Variants in AFF3 observed in about 807,000 individuals in gnomAD.
AFF3 encodes ALF transcription elongation factor 3, also known as AF4/FMR2 family member 3.
Under a neutral mutation model 129.7 loss-of-function variants are expected in AFF3, and 32 were observed. The observed-to-expected ratio is 0.25, with a 90% CI of 0.19 to 0.33. AFF3 has a LOEUF of 0.33. AFF3 is among the 10% of genes least tolerant of loss of function. AFF3 has a pLI of 1.00. For synonymous variants in AFF3, 644 were observed against 635.4 expected (o/e 1.01, Z -0.20); for missense variants, 1,373 against 1,592.0 (o/e 0.86, Z 2.34).
chr2:99,733,811 A>T (rs1274991341), intron 10 of AFF3, among the ~76,000 whole-genome samples: 1 of 152,152 alleles, frequency 6.6e-6, no homozygotes, highest in Non-Finnish European at 1.5e-5. Flanking sequence ...CAATTTGTCT[A>T]TTACTGCCCT....
intron 12 of AFF3, among the ~76,000 whole-genome samples, chr2:99,657,331 T>C (rs761397667): frequency 2.6e-5 from 4 of 152,182 alleles, no homozygotes; most frequent in Non-Finnish European, 5.9e-5. Context: ...TTTGTAAAAG[T>C]TCTCAAGCTC....
chr2:99,555,826 T>C (rs1172577742), intron 22 of AFF3, among the ~76,000 whole-genome samples: 1 of 152,166 alleles, frequency 6.6e-6, no homozygotes, highest in Admixed American at 6.5e-5. Context: ...AAATGGCCTG[T>C]CAGAACTCTG....
chr2:99,745,327 T>C (rs1487706171), intron 9 of AFF3, among the ~76,000 whole-genome samples: 3 of 152,218 alleles, frequency 2.0e-5, no homozygotes, highest in African/African-American at 7.2e-5. Flanking sequence ...AATTGTCTTT[T>C]CATTTTATCA....
rs148750281 is a variant in AFF3, at chr2:100,069,701, T to C, written c.53+34701A>G. 7.9e-5 allele frequency among the ~76,000 whole-genome samples: 12 copies of C among 152,294 alleles called. 1 individual carries two copies. The highest frequency in any genetic ancestry group is 2.6e-4 in the African/African-American group (11 of 41,580). ...AACACAAAATCAGAAAGAAATTTGA[T>C]ACGATATAACTTGAATCAGTTTAAT... On this transcript the variant is annotated intron_variant, in intron 4 of 24. Transcript: ENST00000672756.
chr2:99,672,960 A>G (rs1291508319), intron 11 of AFF3, among the ~76,000 whole-genome samples: 1 of 152,198 alleles, frequency 6.6e-6, no homozygotes, highest in Non-Finnish European at 1.5e-5. Flanking sequence ...GGTGACGAAT[A>G]TCCTAGTTAC....
chr2:99,827,932 G>A (rs1394220793), intron 8 of AFF3, among the ~76,000 whole-genome samples: 2 of 152,012 alleles, frequency 1.3e-5, no homozygotes, highest in African/African-American at 4.8e-5. Flanking sequence ...CCATCTCTCT[G>A]GGGACAGAGA....
At chr2:100,084,728 T>C (rs903102235) in intron 4 of AFF3, among the ~76,000 whole-genome samples, 5 of 152,152 alleles carry the variant, frequency 3.3e-5, no homozygotes, top group African/African-American at 7.2e-5. Context: ...CCATAAAATA[T>C]GCATAGGTAT....
intron 13 of AFF3, among the ~76,000 whole-genome samples, chr2:99,628,479 T>G (rs1351059115): frequency 6.6e-6 from 1 of 152,184 alleles, no homozygotes; most frequent in Non-Finnish European, 1.5e-5. Flanking sequence ...GGGGGTTTTC[T>G]AGATACAGGA....
intron 13 of AFF3, among the ~76,000 whole-genome samples, chr2:99,626,657 C>T (rs1056995210): frequency 6.6e-6 from 1 of 151,144 alleles, no homozygotes; most frequent in South Asian, 2.1e-4. Context: ...GTTTGATGTG[C>T]AGATTATTTT....
intron 4 of AFF3, among the ~76,000 whole-genome samples, chr2:100,033,420 T>C (rs959522975): frequency 2.0e-5 from 3 of 152,364 alleles, no homozygotes; most frequent in Non-Finnish European, 2.9e-5. Flanking sequence ...AAATGTGGGA[T>C]ACGTGAATCG....
chr2:99,569,392 T>C (rs1183773612), intron 18 of AFF3, among the ~76,000 whole-genome samples: 2 of 152,210 alleles, frequency 1.3e-5, no homozygotes, highest in Non-Finnish European at 2.9e-5. Flanking sequence ...TTTATGTATA[T>C]ATTGAATTAT....
At chr2:100,068,533 T>A (rs1687907236) in intron 4 of AFF3, among the ~76,000 whole-genome samples, 1 of 152,184 alleles carries the variant, frequency 6.6e-6, no homozygotes, top group Admixed American at 6.5e-5. Flanking sequence ...TTTCTTTAAA[T>A]AGCCCAAAGG....
chr2:99,984,733 A>G (rs1236780819), intron 7 of AFF3, among the ~76,000 whole-genome samples: 1 of 151,972 alleles, frequency 6.6e-6, no homozygotes, highest in Admixed American at 6.6e-5. Flanking sequence ...ATTCACAGGA[A>G]CTGCTTGCTG....
chr2:100,043,858 A>AT (rs950684201), intron 4 of AFF3, among the ~76,000 whole-genome samples: 6 of 152,096 alleles, frequency 3.9e-5, no homozygotes, highest in Non-Finnish European at 7.4e-5. Flanking sequence ...TAGTGTTTTT[A>AT]TTTTTTTAAG....
chr2:99,655,547 T>C (rs1575611086), intron 12 of AFF3, among the ~76,000 whole-genome samples: 1 of 152,142 alleles, frequency 6.6e-6, no homozygotes, highest in East Asian at 1.9e-4. Context: ...TGTGCTGCGG[T>C]TCGGCAAGTG....
At chr2:99,701,196 A>T (rs932442227) in intron 11 of AFF3, among the ~76,000 whole-genome samples, 1 of 152,114 alleles carries the variant, frequency 6.6e-6, no homozygotes, top group Non-Finnish European at 1.5e-5. Context: ...ATAGACTGGT[A>T]ACACTCACTC....
At chr2:99,963,636 A>AC (rs368656303) in intron 7 of AFF3, among the ~76,000 whole-genome samples, 1 of 152,086 alleles carries the variant, frequency 6.6e-6, no homozygotes, top group African/African-American at 2.4e-5. Flanking sequence ...ACAAAAAAAA[A>AC]CCCCAAAAAC....
intron 12 of AFF3, among the ~76,000 whole-genome samples, chr2:99,670,718 G>A (rs1043125619): frequency 6.6e-6 from 1 of 152,174 alleles, no homozygotes; most frequent in Admixed American, 6.5e-5. Flanking sequence ...TGCAATTACT[G>A]TTGAAGCAAT....
At chr2:99,707,865 C>T (rs1185252433) in intron 11 of AFF3, among the ~76,000 whole-genome samples, 1 of 152,142 alleles carries the variant, frequency 6.6e-6, no homozygotes. Context: ...CCTTCTGGTA[C>T]TTTCTCCCTT....
Sources: gnomAD v4.1 joint callset for allele counts (sites outside exome capture counted in the v4.1 genomes callset) on GRCh38, gnomAD v4.1.1 for gene constraint, MANE v1.5 for transcripts, NCBI Gene and HGNC (gene_info 2026-07-23, HGNC 2026-07-21) for gene names.